GRIK4: variants seen among roughly 807,000 people sequenced by gnomAD.
GRIK4 encodes glutamate receptor ionotropic, kainate 4.
In GRIK4, 40 loss-of-function variants were observed where a neutral mutation model predicts 104.9. That is an observed-to-expected ratio of 0.38 (90% CI 0.30 to 0.50). The LOEUF is 0.50. GRIK4 is among the 20% of genes least tolerant of loss of function. The pLI is 0.93. For missense variants in GRIK4, 1,047 were observed against 1,308.1 expected (o/e 0.80, Z 3.08); for synonymous variants, 485 against 524.9 (o/e 0.92, Z 1.04).
intron 1 of GRIK4, among the ~76,000 whole-genome samples, chr11:120,629,636 C>T (rs1949307856): frequency 6.6e-6 from 1 of 152,156 alleles, no homozygotes. Context: ...AGAGCGCCTC[C>T]ACCAGGTGTG....
At chr11:120,852,634 A>G (rs1953999868) in intron 8 of GRIK4, among the ~76,000 whole-genome samples, 1 of 152,222 alleles carries the variant, frequency 6.6e-6, no homozygotes, top group Non-Finnish European at 1.5e-5. Flanking sequence ...ACAGGTGTGA[A>G]TTAGCCTCCC....
intron 11 of GRIK4, among the ~76,000 whole-genome samples, chr11:120,897,601 CAAAAAAAAAAAAA>C (rs56807699): frequency 3.8e-4 from 5 of 13,058 alleles, no homozygotes; most frequent in East Asian, 9.7e-3. Context: ...GACTCCTTCT[CAAAAAAAAAAAAA>C]AAAAAAAAAA....
At chr11:120,746,536 C>G (rs1220096148) in intron 3 of GRIK4, among the ~76,000 whole-genome samples, 4 of 152,126 alleles carry the variant, frequency 2.6e-5, no homozygotes, top group African/African-American at 9.7e-5. Context: ...GCTCTGTGCC[C>G]TCAGAGCCCA....
At chr11:120,688,093 T>G (rs1266841230) in intron 3 of GRIK4, among the ~76,000 whole-genome samples, 1 of 152,194 alleles carries the variant, frequency 6.6e-6, no homozygotes, top group Non-Finnish European at 1.5e-5. Context: ...CTTGCAAACC[T>G]GGGTTCTCAG....
chr11:120,965,149 G>A (rs1944361601), intron 18 of GRIK4, among the ~76,000 whole-genome samples: 1 of 152,196 alleles, frequency 6.6e-6, no homozygotes, highest in African/African-American at 2.4e-5. Context: ...GTTAGACCCA[G>A]GAAAATTAAG....
At chr11:120,740,201 C>T (rs900087106) in intron 3 of GRIK4, among the ~76,000 whole-genome samples, 7 of 152,188 alleles carry the variant, frequency 4.6e-5, no homozygotes, top group Non-Finnish European at 4.4e-5. Context: ...AATGCCTGAG[C>T]CTGGCTGTAC....
chr11:120,861,885 T>A, intron 8 of GRIK4, 74 bp from the exon 9 acceptor site: 1 of 1,132,262 alleles, frequency 8.8e-7, no homozygotes, highest in Non-Finnish European at 1.3e-6. Context: ...TACCCAGATA[T>A]GCTTTACCAA....
At chr11:120,765,985 G>A (rs1951831540) in intron 3 of GRIK4, among the ~76,000 whole-genome samples, 1 of 152,224 alleles carries the variant, frequency 6.6e-6, no homozygotes, top group African/African-American at 2.4e-5. Flanking sequence ...GCACTGTGCT[G>A]GGAGATCCAC....
Position 120,756,593 on chromosome 11 carries a change from A to G in GRIK4, c.83-46100A>G, listed in dbSNP as rs982207699. ...TTATTTCTCTTCCTGTCAACTCTTCATAACTCTTAAACTAAGTTTACCATC... is the reference window on the plus strand; with the variant it reads ...TTATTTCTCTTCCTGTCAACTCTTCGTAACTCTTAAACTAAGTTTACCATC... On this transcript the variant is annotated intron_variant, in intron 3 of 20. Coordinates refer to ENST00000527524, the MANE Select transcript of GRIK4 (RefSeq NM_014619.5). Among the ~76,000 whole-genome samples, 4 of 152,198 alleles carry G rather than the reference A, an allele frequency of 2.6e-5. No homozygotes were observed. The South Asian group carries it at 6.2e-4, about 24-fold the overall frequency.
chr11:120,948,934 T>C (rs2134676871), intron 14 of GRIK4, among the ~76,000 whole-genome samples: 1 of 152,306 alleles, frequency 6.6e-6, no homozygotes, highest in East Asian at 1.9e-4. Context: ...GTTACCCAAC[T>C]TACCCAGGAT....
intron 11 of GRIK4, among the ~76,000 whole-genome samples, chr11:120,892,863 C>G (rs1296863585): frequency 6.6e-6 from 1 of 152,212 alleles, no homozygotes; most frequent in Non-Finnish European, 1.5e-5. Flanking sequence ...AAAATTCTTT[C>G]AAGCTTGGTC....
At chr11:120,581,325 C>T (rs1461808154) in intron 1 of GRIK4, among the ~76,000 whole-genome samples, 1 of 152,170 alleles carries the variant, frequency 6.6e-6, no homozygotes, top group Non-Finnish European at 1.5e-5. Flanking sequence ...CCTTTACTGT[C>T]ATTTAGAGAA....
At chr11:120,962,204 G>A (rs141721215) in intron 17 of GRIK4, among the ~76,000 whole-genome samples, 8 of 152,306 alleles carry the variant, frequency 5.3e-5, no homozygotes, top group African/African-American at 1.9e-4. Context: ...GACCAAATCA[G>A]GACCTTAGTG....
intron 18 of GRIK4, among the ~76,000 whole-genome samples, chr11:120,966,918 T>C (rs1458944839): frequency 6.6e-6 from 1 of 152,158 alleles, no homozygotes; most frequent in Non-Finnish European, 1.5e-5. Flanking sequence ...CTTGGGGTGT[T>C]TGGCCATGGG....
intron 3 of GRIK4, among the ~76,000 whole-genome samples, chr11:120,758,293 G>A (rs1008321632): frequency 2.0e-5 from 3 of 152,168 alleles, no homozygotes; most frequent in Non-Finnish European, 2.9e-5. Flanking sequence ...TGATTTCTAC[G>A]GATACCTCAG....
intron 1 of GRIK4, among the ~76,000 whole-genome samples, chr11:120,625,669 G>A (rs1949250139): frequency 8.2e-6 from 1 of 122,466 alleles, no homozygotes; most frequent in Admixed American, 8.0e-5. Context: ...AGTCATTGCT[G>A]GCTTTTGTGC....
Position 120,905,875 on chromosome 11 carries a change from C to G in GRIK4, c.1476+382C>G, listed in dbSNP as rs1724704494. 1.3e-5 allele frequency among the ~76,000 whole-genome samples: 2 copies of G among 152,212 alleles called. No individual in the cohort carries two copies. Among genetic ancestry groups the G allele is most frequent in the Non-Finnish European group, 1.5e-5 (1 of 68,042 alleles). On this transcript the variant is annotated intron_variant, in intron 13 of 20. Transcript: ENST00000527524. The surrounding 1 kb of genome is among the most constrained non-coding windows in gnomAD (Gnocchi z 5.1). ...CTGGGAGAAGAGAATGCACCCACAT[C>G]AGCTGGCTTGGATCCTTGAGAGACA...
chr11:120,522,914 A>G (rs2136075055), intron 1 of GRIK4, among the ~76,000 whole-genome samples: 1 of 152,182 alleles, frequency 6.6e-6, no homozygotes, highest in East Asian at 1.9e-4. Context: ...CCTATGTGCC[A>G]GGCACAGCCA....
chr11:120,576,727 AG>A (rs2135084451), intron 1 of GRIK4, among the ~76,000 whole-genome samples: 1 of 152,284 alleles, frequency 6.6e-6, no homozygotes, highest in South Asian at 2.1e-4. Flanking sequence ...AGGGCCCAAG[AG>A]GTAACAAGGC....
Sources: gnomAD v4.1 joint callset for allele counts (sites outside exome capture counted in the v4.1 genomes callset) on GRCh38, gnomAD v4.1.1 for gene constraint, Gnocchi (gnomAD v3.1) non-coding constraint, MANE v1.5 for transcripts, NCBI Gene and HGNC (gene_info 2026-07-23, HGNC 2026-07-21) for gene names.